Variants in FBXL17 observed in about 807,000 individuals in gnomAD.
FBXL17 encodes F-box and leucine rich repeat protein 17.
A neutral mutation model predicts 66.2 loss-of-function variants in FBXL17; 22 were observed. That is an observed-to-expected ratio of 0.33 (90% confidence interval 0.24 to 0.47). FBXL17 has a LOEUF of 0.47. Ranked by LOEUF, FBXL17 falls within the 20% of genes least tolerant of loss-of-function variation. The pLI, the probability that FBXL17 is intolerant of heterozygous loss-of-function variation, is 1.00. For missense variants in FBXL17, 878 were observed against 948.2 expected, an observed-to-expected ratio of 0.93 and a Z score of 0.97; for synonymous variants, 474 against 400.5, an observed-to-expected ratio of 1.18 and a Z score of -2.19.
chr5:108,065,454 G>GT lies in FBXL17; in HGVS notation c.1746-44454dup, dbSNP rs1288285700. Among the ~76,000 whole-genome samples the GT allele has an allele frequency of 4.6e-5, 7 of 152,228 alleles. No homozygotes were observed. The East Asian group carries it at 1.4e-3, about 29-fold the overall frequency. On this transcript the variant is annotated intron_variant, in intron 6 of 8. Coordinates refer to ENST00000542267, the MANE Select transcript of FBXL17 (RefSeq NM_001163315.3). ...AAATTGTTCTCACATTTTATCAGTG[G>GT]TAAAAACTTGGATTCACAATCACAA...
intron 4 of FBXL17, among the ~76,000 whole-genome samples, chr5:108,233,434 A>T (rs932854026): frequency 2.6e-5 from 4 of 152,218 alleles, no homozygotes; most frequent in African/African-American, 9.6e-5. Context: ...TGGGAAAACC[A>T]GGCAATAGGT....
chr5:108,047,486 C>A (rs536363830), intron 6 of FBXL17, among the ~76,000 whole-genome samples: 1 of 152,294 alleles, frequency 6.6e-6, no homozygotes, highest in East Asian at 1.9e-4. Flanking sequence ...CCTGTGAGCT[C>A]CCTGGGGGAG....
intron 7 of FBXL17, among the ~76,000 whole-genome samples, chr5:107,934,370 G>A (rs2112579668): frequency 6.6e-6 from 1 of 152,046 alleles, no homozygotes. Context: ...CTTTTTCTTG[G>A]CTTCAAAATA....
At chr5:107,901,238 C>T (rs956837755) in intron 7 of FBXL17, among the ~76,000 whole-genome samples, 2 of 152,178 alleles carry the variant, frequency 1.3e-5, no homozygotes, top group Non-Finnish European at 2.9e-5. Context: ...AATCTTACTA[C>T]TTTACAGTGG....
chr5:108,165,084 A>T (rs779048197), intron 6 of FBXL17, among the ~76,000 whole-genome samples: 1 of 152,212 alleles, frequency 6.6e-6, no homozygotes, highest in Non-Finnish European at 1.5e-5. Context: ...TAGAAATAAG[A>T]ATATTTATCA....
chr5:108,193,327 G>T (rs141029022), intron 5 of FBXL17, among the ~76,000 whole-genome samples: 1 of 152,180 alleles, frequency 6.6e-6, no homozygotes, highest in Non-Finnish European at 1.5e-5. Context: ...TAAGAAAACT[G>T]GGAAGAGCTT....
At position 108,250,337 on chromosome 5, in the gene FBXL17, C is replaced by T. The variant is rs1384904080; in HGVS notation, c.1507-26109G>A. 2.0e-5 allele frequency among the ~76,000 whole-genome samples: 3 copies of T among 152,114 alleles called. No individual in the cohort carries two copies. The East Asian group carries it at 5.8e-4, about 29-fold the overall frequency. On this transcript the variant is annotated intron_variant, in intron 4 of 8. Coordinates refer to ENST00000542267, the MANE Select transcript of FBXL17 (RefSeq NM_001163315.3). ...GAAGACCAATTCTCCTTTTTAAGGT[C>T]AATGATTACCACAGTTAATGACCAA...
chr5:108,301,362 C>T (rs1758580304), intron 4 of FBXL17, among the ~76,000 whole-genome samples: 1 of 151,762 alleles, frequency 6.6e-6, no homozygotes, highest in African/African-American at 2.4e-5. Flanking sequence ...GAACTGTTGG[C>T]ATCATTTGAA....
intron 4 of FBXL17, among the ~76,000 whole-genome samples, chr5:108,291,099 A>T (rs1366202766): frequency 3.9e-5 from 6 of 152,244 alleles, no homozygotes; most frequent in Admixed American, 3.9e-4. Flanking sequence ...TATACAATAC[A>T]TATAAAATGT....
At chr5:107,907,681 A>T (rs914582714) in intron 7 of FBXL17, among the ~76,000 whole-genome samples, 4 of 152,220 alleles carry the variant, frequency 2.6e-5, no homozygotes, top group African/African-American at 7.2e-5. Flanking sequence ...GCAGCCAAAA[A>T]ACACATGACA....
At chr5:107,937,481 A>T (rs549319715) in intron 7 of FBXL17, among the ~76,000 whole-genome samples, 7 of 152,284 alleles carry the variant, frequency 4.6e-5, no homozygotes, top group African/African-American at 1.4e-4. Context: ...AAACGTACAC[A>T]CAGAAAAACA....
At chr5:108,231,321 A>T (rs757203299) in intron 4 of FBXL17, among the ~76,000 whole-genome samples, 1 of 152,164 alleles carries the variant, frequency 6.6e-6, no homozygotes, top group Non-Finnish European at 1.5e-5. Context: ...ATGCTCATAT[A>T]CAGTTAATCA....
chr5:108,041,973 G>A (rs902805244), intron 6 of FBXL17, among the ~76,000 whole-genome samples: 3 of 152,064 alleles, frequency 2.0e-5, no homozygotes, highest in Admixed American at 2.0e-4. Flanking sequence ...TCAGCTCACT[G>A]CAACCTCTGC....
chr5:108,011,732 G>A (rs190085831), intron 7 of FBXL17, among the ~76,000 whole-genome samples: 5 of 152,348 alleles, frequency 3.3e-5, no homozygotes, highest in East Asian at 1.9e-4. Context: ...GCTGAGGCAG[G>A]AGAATCACTG....
intron 6 of FBXL17, among the ~76,000 whole-genome samples, chr5:108,107,671 G>T (rs1749856336): frequency 6.6e-6 from 1 of 151,784 alleles, no homozygotes; most frequent in Admixed American, 6.6e-5. Context: ...AATTAGCCAG[G>T]CATGGTGGCG....
chr5:108,100,934 A>G (rs2149940691), intron 6 of FBXL17, among the ~76,000 whole-genome samples: 1 of 152,338 alleles, frequency 6.6e-6, no homozygotes, highest in South Asian at 2.1e-4. Context: ...GCTGTAAACA[A>G]AAAAGATCAG....
intron 6 of FBXL17, among the ~76,000 whole-genome samples, chr5:108,026,181 C>A (rs148721440): frequency 6.6e-6 from 1 of 152,152 alleles, no homozygotes; most frequent in Admixed American, 6.6e-5. Context: ...TAATAGTATG[C>A]TTCCCCTTAA....
At chr5:108,292,670 T>G (rs986714875) in intron 4 of FBXL17, among the ~76,000 whole-genome samples, 1 of 152,246 alleles carries the variant, frequency 6.6e-6, no homozygotes, top group Non-Finnish European at 1.5e-5. Context: ...AAGTGTCTTT[T>G]CAATCATGCC....
intron 6 of FBXL17, among the ~76,000 whole-genome samples, chr5:108,140,984 T>C: frequency 6.6e-6 from 1 of 152,160 alleles, no homozygotes; most frequent in East Asian, 1.9e-4. Context: ...CTCCATTAAC[T>C]TTCTTACATC....
Sources: allele counts gnomAD v4.1 joint callset (sites outside exome capture counted in the v4.1 genomes callset), GRCh38; gene constraint gnomAD v4.1.1; transcripts MANE v1.5; gene names NCBI Gene and HGNC (gene_info 2026-07-23, HGNC 2026-07-21).